Variants in MTA3 observed in about 807,000 individuals in gnomAD.
MTA3 encodes the protein metastasis associated 1 family member 3, also known as metastasis-associated protein MTA3.
MTA3 carries 34 observed loss-of-function variants against 83.5 expected under a neutral mutation model. That is an observed-to-expected ratio of 0.41 (90% confidence interval 0.31 to 0.54). The LOEUF (loss-of-function observed/expected upper bound fraction) is 0.54, where lower values mean the gene tolerates loss of function less well. MTA3 is among the 20% of genes least tolerant of loss of function. The pLI is 0.33. For missense variants in MTA3, 761 were observed against 726.4 expected, an observed-to-expected ratio of 1.05 and a Z score of -0.55; for synonymous variants, 303 against 252.7, an observed-to-expected ratio of 1.20 and a Z score of -1.89.
At chr2:42,670,378 T>TTTA (rs1312914792) in intron 8 of MTA3, among the ~76,000 whole-genome samples, 2 of 152,154 alleles carry the variant, frequency 1.3e-5, no homozygotes, top group Non-Finnish European at 2.9e-5. Flanking sequence ...CCACATTTGC[T>TTTA]TTATTATTAT....
intron 4 of MTA3, among the ~76,000 whole-genome samples, chr2:42,632,684 A>T (rs1405051844): frequency 6.6e-6 from 1 of 152,120 alleles, no homozygotes; most frequent in African/African-American, 2.4e-5. Flanking sequence ...TCCACATCCC[A>T]TGGATGGAAT....
chr2:42,605,926 C>G, intron 3 of MTA3, among the ~76,000 whole-genome samples: 1 of 64,774 alleles, frequency 1.5e-5, no homozygotes, highest in Non-Finnish European at 3.0e-5. Flanking sequence ...CGGGCAGAGG[C>G]GCCCCTCACC....
At chr2:42,619,060 T>C (rs1357095027) in intron 4 of MTA3, among the ~76,000 whole-genome samples, 1 of 152,218 alleles carries the variant, frequency 6.6e-6, no homozygotes, top group Non-Finnish European at 1.5e-5. Context: ...CATTTTTGCT[T>C]GTTCTAGCTT....
At chr2:42,620,110 A>T (rs1685365302) in intron 4 of MTA3, among the ~76,000 whole-genome samples, 1 of 150,546 alleles carries the variant, frequency 6.6e-6, no homozygotes, top group African/African-American at 2.4e-5. Flanking sequence ...GTTTCAAGAC[A>T]TCACACATCT....
At chr2:42,552,075 A>T (rs7600470) in intron 2 of MTA3, among the ~76,000 whole-genome samples, 2 of 151,938 alleles carry the variant, frequency 1.3e-5, no homozygotes, top group Admixed American at 1.3e-4. Context: ...CCAGGCTGGT[A>T]TCAAATTCCT....
At chr2:42,693,088 C>G (rs553379436) in intron 9 of MTA3, among the ~76,000 whole-genome samples, 1 of 22,686 alleles carries the variant, frequency 4.4e-5, no homozygotes, top group Non-Finnish European at 7.4e-5. Flanking sequence ...GTGTCTCTCC[C>G]TCTCCCTCTC....
rs1171875221 is a variant in MTA3 at position 42,666,677 on chromosome 2, T to G, written c.702+6815T>G. ...TATAATTAAAAACTCATTTTTGTGA[T>G]TATTTTGTGTCTCTTTCTCTCCTTC... On this transcript the variant is annotated intron_variant, in intron 8 of 16. Transcript: ENST00000405094. Among the ~76,000 whole-genome samples the G allele has an allele frequency of 5.3e-5, 8 of 152,222 alleles. No homozygotes were observed. The East Asian group carries it at 1.5e-3, about 29-fold the overall frequency.
At chr2:42,508,963 A>G (rs775415830) in intron 2 of MTA3, among the ~76,000 whole-genome samples, 7 of 150,906 alleles carry the variant, frequency 4.6e-5, no homozygotes, top group Non-Finnish European at 7.4e-5. Flanking sequence ...TTTTGATTTC[A>G]CTGTGAACCT....
intron 4 of MTA3, among the ~76,000 whole-genome samples, chr2:42,633,332 C>T (rs1266046457): frequency 1.3e-5 from 2 of 151,850 alleles, no homozygotes; most frequent in South Asian, 2.1e-4. Context: ...GCCTGTAATC[C>T]CAGCAATTGG....
At chr2:42,656,864 T>A (rs980425234) in intron 7 of MTA3, among the ~76,000 whole-genome samples, 7 of 152,242 alleles carry the variant, frequency 4.6e-5, no homozygotes, top group African/African-American at 1.4e-4. Flanking sequence ...ATGAATGAAC[T>A]GAGGTATACT....
intron 2 of MTA3, among the ~76,000 whole-genome samples, chr2:42,530,563 C>T (rs141197220): frequency 4.9e-4 from 74 of 151,538 alleles, no homozygotes; most frequent in African/African-American, 1.7e-3. Flanking sequence ...GCGGGCAGAT[C>T]ACCTGAGGTC....
chr2:42,519,010 CACACACACACACACACACACGA>C (rs1275479058), intron 2 of MTA3, among the ~76,000 whole-genome samples: 1 of 138,996 alleles, frequency 7.2e-6, no homozygotes, highest in Non-Finnish European at 1.6e-5. Flanking sequence ...CACACACACA[CACACACACACACACACACACGA>C]ATATAGTATG....
At chr2:42,716,179 C>G (rs1667015349) in intron 14 of MTA3, among the ~76,000 whole-genome samples, 2 of 152,104 alleles carry the variant, frequency 1.3e-5, no homozygotes, top group Admixed American at 6.5e-5. Context: ...CTGGGAATCA[C>G]CTGAATAGGA....
At chr2:42,535,875 T>C (rs1676206645) in intron 2 of MTA3, among the ~76,000 whole-genome samples, 1 of 145,462 alleles carries the variant, frequency 6.9e-6, no homozygotes, top group Admixed American at 6.9e-5. Context: ...TCCTAGCACT[T>C]TGGGAGGTCA....
intron 4 of MTA3, among the ~76,000 whole-genome samples, chr2:42,620,093 C>T (rs532469583): frequency 1.8e-4 from 27 of 149,870 alleles, no homozygotes; most frequent in Middle Eastern, 3.5e-3. Flanking sequence ...ACCATCACCT[C>T]TGTATTGTTT....
At chr2:42,637,270 G>C (rs146582034) in intron 4 of MTA3, among the ~76,000 whole-genome samples, 15 of 152,326 alleles carry the variant, frequency 9.8e-5, no homozygotes, top group Admixed American at 3.3e-4. Flanking sequence ...TATGGGCCTG[G>C]AGTGATCTTT....
At chr2:42,604,921 A>AT (rs1261394761) in intron 3 of MTA3, among the ~76,000 whole-genome samples, 1 of 148,876 alleles carries the variant, frequency 6.7e-6, no homozygotes, top group African/African-American at 2.5e-5. Context: ...GATCAACAGG[A>AT]TCCCAAGGCA....
At chr2:42,609,635 CA>C (rs751097330) in intron 4 of MTA3, 51 bp downstream of exon 4, 29 of 1,531,526 alleles carry the variant, frequency 1.9e-5, no homozygotes, top group Non-Finnish European at 2.4e-5. Context: ...GACCAAAAAA[CA>C]AAAGACTTCT....
chr2:42,525,460 A>G (rs1675645776), intron 2 of MTA3, among the ~76,000 whole-genome samples: 1 of 96,564 alleles, frequency 1.0e-5, no homozygotes, highest in Admixed American at 1.0e-4. Context: ...TCAGCCTCCC[A>G]AAGTGCTAGG....
Sources: allele counts gnomAD v4.1 joint callset (sites outside exome capture counted in the v4.1 genomes callset), GRCh38; gene constraint gnomAD v4.1.1; transcripts MANE v1.5; gene names NCBI Gene and HGNC (gene_info 2026-07-23, HGNC 2026-07-21).